The following RALYL variants were observed in gnomAD, a reference collection of about 807,000 sequenced individuals.
RALYL encodes the protein RALY RNA binding protein like.
Under a neutral mutation model 35.1 loss-of-function variants are expected in RALYL, and 29 were observed. The ratio of observed to expected loss-of-function variants is 0.83; its 90% CI spans 0.61 to 1.13. The LOEUF (loss-of-function observed/expected upper bound fraction) is 1.13. Among genes scored for constraint, RALYL ranks in the 50% most tolerant of loss-of-function variants. The pLI is 0.00. For synonymous variants in RALYL, 120 were observed against 127.6 expected (o/e 0.94, Z 0.40); for missense variants, 359 against 360.4 (o/e 1.00, Z 0.03).
At chr8:84,534,409 C>G (rs529169453) in intron 2 of RALYL, among the ~76,000 whole-genome samples, 16 of 152,300 alleles carry the variant, frequency 1.1e-4, no homozygotes, top group African/African-American at 3.8e-4. Flanking sequence ...CACTTTCTAG[C>G]AAGTATCTTC....
intron 1 of RALYL, among the ~76,000 whole-genome samples, chr8:84,252,742 A>G (rs1223768330): frequency 3.9e-5 from 6 of 152,046 alleles, no homozygotes; most frequent in Admixed American, 2.0e-4. Flanking sequence ...AAAGAACTAG[A>G]AAAAAATCCC....
chr8:84,767,017 C>T (rs1273664619), intron 2 of RALYL, among the ~76,000 whole-genome samples: 4 of 152,002 alleles, frequency 2.6e-5, no homozygotes, highest in Non-Finnish European at 5.9e-5. Flanking sequence ...AAAGTAGGTG[C>T]GAGGTGGGAG....
intron 2 of RALYL, among the ~76,000 whole-genome samples, chr8:84,627,121 A>G (rs2131181703): frequency 6.6e-6 from 1 of 152,210 alleles, no homozygotes; most frequent in South Asian, 2.1e-4. Flanking sequence ...AAATTACTGC[A>G]ACAATAGAAG....
Position 84,266,198 on chromosome 8 carries a change from T to C in RALYL, c.-24+81774T>C, listed in dbSNP as rs1051304394. ...CTTCAGAATTCCCCAAATATACCTC[T>C]TGGTTTTTTGCCAGTGTGATTTTTT... On this transcript the variant is annotated intron_variant, in intron 1 of 8. Coordinates refer to ENST00000521268, the MANE Select transcript of RALYL (RefSeq NM_173848.7). Among the ~76,000 whole-genome samples the C allele has an allele frequency of 2.6e-5, 4 of 152,156 alleles. No homozygotes were observed. The East Asian group carries it at 7.7e-4, about 29-fold the overall frequency.
At chr8:84,540,030 A>G (rs922731207) in intron 2 of RALYL, among the ~76,000 whole-genome samples, 3 of 151,332 alleles carry the variant, frequency 2.0e-5, no homozygotes, top group African/African-American at 7.2e-5. Flanking sequence ...ACCATTTTGG[A>G]CATATTTCCT....
At chr8:84,825,388 A>G (rs1424224897) in intron 4 of RALYL, among the ~76,000 whole-genome samples, 1 of 152,162 alleles carries the variant, frequency 6.6e-6, no homozygotes, top group African/African-American at 2.4e-5. Context: ...ACATTCATAC[A>G]CTGTTGGTGG....
chr8:84,485,114 T>C (rs1395260901), intron 1 of RALYL, among the ~76,000 whole-genome samples: 1 of 152,182 alleles, frequency 6.6e-6, no homozygotes, highest in Non-Finnish European at 1.5e-5. Flanking sequence ...CTTTCTAATA[T>C]TGGAATATTT....
At chr8:84,665,923 A>G (rs1831930244) in intron 2 of RALYL, 1 of 152,046 alleles carries the variant, frequency 6.6e-6, no homozygotes, top group Admixed American at 6.6e-5. Context: ...ATATCATAAT[A>G]TAAAAGATCA....
intron 3 of RALYL, among the ~76,000 whole-genome samples, chr8:84,790,064 G>C (rs926693548): frequency 6.6e-6 from 1 of 152,214 alleles, no homozygotes; most frequent in Non-Finnish European, 1.5e-5. Context: ...CATATAGACA[G>C]GCAGTTAGTA....
At chr8:84,769,300 G>A (rs1414656185) in intron 2 of RALYL, among the ~76,000 whole-genome samples, 1 of 152,088 alleles carries the variant, frequency 6.6e-6, no homozygotes, top group Admixed American at 6.6e-5. Flanking sequence ...TGATTCTTGG[G>A]TCTTTCCTCT....
intron 1 of RALYL, among the ~76,000 whole-genome samples, chr8:84,341,312 C>A (rs1308655080): frequency 1.3e-5 from 2 of 151,650 alleles, no homozygotes; most frequent in Non-Finnish European, 2.9e-5. Context: ...ATATTATATT[C>A]CCCTTGCTCT....
At position 84,385,142 on chromosome 8, in the gene RALYL, A is replaced by G. The variant is rs190431870; in HGVS notation, c.-23-144157A>G. Among the ~76,000 whole-genome samples the G allele has an allele frequency of 7.2e-5, 11 of 151,970 alleles. No individual in the cohort carries two copies. In the East Asian group the frequency reaches 7.8e-4, roughly 11 times the overall value. On this transcript the variant is annotated intron_variant, in intron 1 of 8. Coordinates refer to ENST00000521268, the MANE Select transcript of RALYL (RefSeq NM_173848.7). ...ATATTTTCAAGCATTTTGCGTGTAT[A>G]TGAGTAATCAGATGATCCATTTACA...
At chr8:84,444,255 G>A (rs1168812866) in intron 1 of RALYL, among the ~76,000 whole-genome samples, 1 of 152,064 alleles carries the variant, frequency 6.6e-6, no homozygotes, top group Non-Finnish European at 1.5e-5. Flanking sequence ...CTTGAGTCCA[G>A]GAGTTTGAGG....
At chr8:84,687,384 A>G (rs1837027112) in intron 2 of RALYL, among the ~76,000 whole-genome samples, 2 of 152,232 alleles carry the variant, frequency 1.3e-5, no homozygotes, top group South Asian at 4.1e-4. Flanking sequence ...TGATAGAAGC[A>G]CATCGAATGG....
At chr8:84,268,240 G>A (rs546390002) in intron 1 of RALYL, among the ~76,000 whole-genome samples, 1 of 152,120 alleles carries the variant, frequency 6.6e-6, no homozygotes. Context: ...ACAGTGAGAG[G>A]TTCTTGAAAC....
intron 1 of RALYL, among the ~76,000 whole-genome samples, chr8:84,335,508 G>T (rs1442202398): frequency 1.3e-5 from 2 of 151,964 alleles, no homozygotes; most frequent in Non-Finnish European, 2.9e-5. Flanking sequence ...TATGAGTCAG[G>T]AACCTATTGT....
intron 1 of RALYL, among the ~76,000 whole-genome samples, chr8:84,491,543 G>T (rs1447684628): frequency 6.6e-6 from 1 of 151,836 alleles, no homozygotes; most frequent in African/African-American, 2.4e-5. Flanking sequence ...TTGCCTAGCT[G>T]ATTCCTACTA....
At chr8:84,694,201 A>G (rs1320228131) in intron 2 of RALYL, among the ~76,000 whole-genome samples, 5 of 151,962 alleles carry the variant, frequency 3.3e-5, no homozygotes, top group Non-Finnish European at 7.4e-5. Context: ...TCTTATATAG[A>G]GAAATCCTAA....
intron 1 of RALYL, among the ~76,000 whole-genome samples, chr8:84,279,231 A>G (rs1312436377): frequency 2.6e-5 from 4 of 152,156 alleles, no homozygotes; most frequent in Admixed American, 2.0e-4. Context: ...CTCAATTAAC[A>G]TCACCTGGCA....
Sources: allele counts gnomAD v4.1 joint callset (sites outside exome capture counted in the v4.1 genomes callset), GRCh38; gene constraint gnomAD v4.1.1; transcripts MANE v1.5; gene names NCBI Gene and HGNC (gene_info 2026-07-23, HGNC 2026-07-21).